Variants in STXBP5L observed in about 807,000 individuals in gnomAD.
STXBP5L encodes the protein syntaxin-binding protein 5-like.
Under a neutral mutation model 144.5 loss-of-function variants are expected in STXBP5L, and 65 were observed. The ratio of observed to expected loss-of-function variants is 0.45; its 90% CI spans 0.37 to 0.55. The LOEUF (loss-of-function observed/expected upper bound fraction) is 0.55. STXBP5L is among the 20% of genes least tolerant of loss of function. The pLI is 0.00. For synonymous variants in STXBP5L, 505 were observed against 469.6 expected, an observed-to-expected ratio of 1.08 and a Z score of -0.97; for missense variants, 1,298 against 1,405.5, an observed-to-expected ratio of 0.92 and a Z score of 1.22.
intron 2 of STXBP5L, among the ~76,000 whole-genome samples, chr3:120,927,841 C>T (rs1052967273): frequency 1.3e-5 from 2 of 151,964 alleles, no homozygotes; most frequent in African/African-American, 4.8e-5. Context: ...CTGTAGTCTC[C>T]CTAATACAAC....
chr3:121,218,357 A>G (rs1463226034), intron 10 of STXBP5L, among the ~76,000 whole-genome samples: 1 of 145,002 alleles, frequency 6.9e-6, no homozygotes, highest in Middle Eastern at 3.5e-3. Context: ...TATATATGCT[A>G]GTATAATATA....
At chr3:121,392,544 G>A (rs952109177) in intron 22 of STXBP5L, among the ~76,000 whole-genome samples, 35 of 151,936 alleles carry the variant, frequency 2.3e-4, no homozygotes, top group Admixed American at 1.7e-3. Context: ...GAACACGCCC[G>A]CAGTCTTTAC....
At chr3:121,133,196 C>A (rs2045078310) in intron 7 of STXBP5L, among the ~76,000 whole-genome samples, 1 of 152,004 alleles carries the variant, frequency 6.6e-6, no homozygotes, top group Admixed American at 6.6e-5. Context: ...ATGACAAGAC[C>A]CTGATTTTAT....
chr3:121,052,775 G>A (rs1948120470), intron 5 of STXBP5L, among the ~76,000 whole-genome samples: 1 of 151,970 alleles, frequency 6.6e-6, no homozygotes, highest in Non-Finnish European at 1.5e-5. Context: ...GAAATAAAGG[G>A]TATTCAATTA....
At chr3:120,955,189 T>C (rs573792310) in intron 3 of STXBP5L, 152 bp downstream of exon 3, 1 of 600,058 alleles carries the variant, frequency 1.7e-6, no homozygotes, top group East Asian at 3.0e-5. Context: ...TTCAAATTTA[T>C]TGGCATATTT....
chr3:121,361,192 C>G (rs939248803), intron 20 of STXBP5L, among the ~76,000 whole-genome samples: 2 of 152,114 alleles, frequency 1.3e-5, no homozygotes, highest in African/African-American at 4.8e-5. Flanking sequence ...TTATTTGTTT[C>G]TTTTCTCTTG....
Position 121,282,430 on chromosome 3 carries a change from A to G in STXBP5L, c.2110+2474A>G, listed in dbSNP as rs752027041. 1.4e-3 allele frequency: 1,718 copies of G among 1,229,074 alleles called. 2 individuals carry two copies. The highest frequency in any genetic ancestry group is 1.8e-3 in the Non-Finnish European group (1,581 of 876,554). 76.1% of individuals were successfully genotyped at this position (1,229,074 alleles called of 1,614,324 possible). A position where few individuals can be genotyped will look rare whatever the true frequency, so the allele number is the denominator to read the frequency against. ...AGTGCTCAGTAATGTGTTTCTTAAA[A>G]CACATTCAGCATGCATGCAAATTTT... On this transcript the variant is annotated intron_variant, in intron 19 of 26. Coordinates refer to ENST00000471454, the MANE Select transcript of STXBP5L (RefSeq NM_001308330.2).
rs187593086 is a variant in STXBP5L at position 121,329,239 on chromosome 3, G to C, written c.2176+10699G>C. ...AATACTCATGAAGACTTAAAAGATT[G>C]CTTTTTGAAATGCCATCTGTCAACC... On this transcript the variant is annotated intron_variant, in intron 20 of 26. Coordinates refer to ENST00000471454, the MANE Select transcript of STXBP5L (RefSeq NM_001308330.2). 3.9e-5 allele frequency among the ~76,000 whole-genome samples: 6 copies of C among 152,198 alleles called. No individual in the cohort carries two copies. In the East Asian group the frequency reaches 1.2e-3, roughly 29 times the overall value.
chr3:121,205,136 G>A (rs1451049839), intron 9 of STXBP5L, among the ~76,000 whole-genome samples: 2 of 152,142 alleles, frequency 1.3e-5, no homozygotes, highest in Non-Finnish European at 2.9e-5. Flanking sequence ...ATTGATCCTA[G>A]TATGGATTGT....
chr3:121,296,630 C>T (rs922025068), intron 19 of STXBP5L, among the ~76,000 whole-genome samples: 6 of 152,170 alleles, frequency 3.9e-5, no homozygotes, highest in Admixed American at 3.9e-4. Context: ...CAGAAAGCTA[C>T]TGCTGCTTCC....
intron 5 of STXBP5L, among the ~76,000 whole-genome samples, chr3:121,064,024 G>A (rs139300229): frequency 9.2e-5 from 14 of 152,226 alleles, no homozygotes; most frequent in African/African-American, 9.6e-5. Flanking sequence ...CATTCCAAGC[G>A]CCACTGAGGT....
intron 9 of STXBP5L, among the ~76,000 whole-genome samples, chr3:121,197,686 G>C (rs1329012059): frequency 6.6e-6 from 1 of 151,938 alleles, no homozygotes; most frequent in African/African-American, 2.4e-5. Context: ...CCCAGTATTT[G>C]ATGTTCCCCT....
intron 3 of STXBP5L, among the ~76,000 whole-genome samples, chr3:121,025,776 T>C (rs1468622886): frequency 6.6e-6 from 1 of 151,042 alleles, no homozygotes; most frequent in Admixed American, 6.6e-5. Flanking sequence ...TGAATAAACA[T>C]CCTACTAAAA....
chr3:121,412,727 C>CAAAAAAAAAAAA (rs35247157), intron 23 of STXBP5L, among the ~76,000 whole-genome samples: 96 of 69,590 alleles, frequency 1.4e-3, no homozygotes, highest in Non-Finnish European at 1.9e-3. Flanking sequence ...TTTCTCCCTC[C>CAAAAAAAAAAAA]AAAAAAAAAA....
rs909308543 is a variant in STXBP5L, at chr3:121,157,449, A to C, written c.754-55A>C. 4.7e-6 allele frequency: 7 copies of C among 1,500,998 alleles called. No homozygotes were observed. In the African/African-American group the frequency reaches 7.3e-5, roughly 16 times the overall value. The allele number at this position is 1,500,998 out of a possible 1,614,324, so 93.0% of individuals were successfully genotyped here. On this transcript the variant is annotated intron_variant, in intron 8 of 26. Coordinates refer to ENST00000471454, the MANE Select transcript of STXBP5L (RefSeq NM_001308330.2). ...TAGTTTTTCTTTGGAATATAGAATG[A>C]TATAACCTATCTACTTTTTTCCCCC...
At chr3:121,020,982 G>T (rs973731590) in intron 3 of STXBP5L, among the ~76,000 whole-genome samples, 9 of 151,996 alleles carry the variant, frequency 5.9e-5, no homozygotes, top group Admixed American at 3.3e-4. Flanking sequence ...GTGGCAAAAT[G>T]GATAAGAATT....
intron 19 of STXBP5L, among the ~76,000 whole-genome samples, chr3:121,310,197 A>G (rs559371036): frequency 1.3e-5 from 2 of 152,356 alleles, no homozygotes; most frequent in South Asian, 2.1e-4. Flanking sequence ...ACAAAGAATA[A>G]TATCTTCATG....
In STXBP5L at chr3:121,045,497, G is replaced by A. The variant is rs752442634; in HGVS notation, c.432G>A (p.Arg144=). 8 of 1,613,006 alleles carry A rather than the reference G, an allele frequency of 5.0e-6. No individual in the cohort carries two copies. Among genetic ancestry groups the A allele is most frequent in the Non-Finnish European group, 6.8e-6 (8 of 1,179,428 alleles). Residue 144 remains arginine (R), a synonymous_variant, in exon 5 of 27, where the codon AGG becomes AGA. Coordinates refer to ENST00000471454, the MANE Select transcript of STXBP5L (RefSeq NM_001308330.2). Reference sequence around the variant, plus strand: ...ATTTGTGGAACCTTAGACAAAAAAGGCCAGCCATACTCCATTCTCTTAAAT... The same window carrying A: ...ATTTGTGGAACCTTAGACAAAAAAGACCAGCCATACTCCATTCTCTTAAAT... ...TLHLWNLRQK[R]PAILHSLKFN...
intron 5 of STXBP5L, among the ~76,000 whole-genome samples, chr3:121,106,230 C>T (rs184448399): frequency 6.6e-6 from 1 of 152,202 alleles, no homozygotes; most frequent in East Asian, 1.9e-4. Context: ...TGTGTATAAT[C>T]TGGGACAATA....
Sources: allele counts gnomAD v4.1 joint callset (sites outside exome capture counted in the v4.1 genomes callset), GRCh38; gene constraint gnomAD v4.1.1; transcripts MANE v1.5; gene names NCBI Gene and HGNC (gene_info 2026-07-23, HGNC 2026-07-21).